The following SF3A2 variants were observed in gnomAD, a reference collection of about 807,000 sequenced individuals.
SF3A2 encodes splicing factor 3a subunit 2.
A neutral mutation model predicts 31.1 loss-of-function variants in SF3A2; 5 were observed. The observed-to-expected ratio is 0.16, with a 90% CI of 0.08 to 0.34. The LOEUF (loss-of-function observed/expected upper bound fraction) is 0.34, where lower values mean the gene tolerates loss of function less well. SF3A2 is among the 10% of genes least tolerant of loss of function. The probability of loss-of-function intolerance (pLI) is 1.00; values close to 1 mark genes in which losing one functional copy is unlikely to be tolerated. For missense variants in SF3A2, 577 were observed against 643.9 expected, an observed-to-expected ratio of 0.90 and a Z score of 1.13; for synonymous variants, 365 against 263.7, an observed-to-expected ratio of 1.38 and a Z score of -3.72.
At chr19:2,240,306 C>T (rs553340841) in intron 1 of SF3A2, among the ~76,000 whole-genome samples, 12 of 152,318 alleles carry the variant, frequency 7.9e-5, no homozygotes, top group African/African-American at 2.2e-4. Context: ...TGACCCTGGA[C>T]CCCCTTGCTC....
At chr19:2,238,322 A>G (rs1389010942) in intron 1 of SF3A2, among the ~76,000 whole-genome samples, 1 of 152,110 alleles carries the variant, frequency 6.6e-6, no homozygotes, top group Non-Finnish European at 1.5e-5. Context: ...GCACCCGGCT[A>G]ATTTTTGTAT....
Position 2,248,201 on chromosome 19 carries a change from C to CCACCCACCAGCCCCTGGGGTT in SF3A2, c.1065_1085dup (p.Ala361_Pro367dup). 8.5e-7 allele frequency: 1 copy of CCACCCACCAGCCCCTGGGGTT among 1,177,922 alleles called. No homozygotes were observed. Among genetic ancestry groups the CCACCCACCAGCCCCTGGGGTT allele is most frequent in the Non-Finnish European group, 1.1e-6 (1 of 878,510 alleles). The allele number at this position is 1,177,922 out of a possible 1,614,324, so 73.0% of individuals were successfully genotyped here. ...GGGTTCACCCACCAGCCCCCGGAGT[C>CCACCCACCAGCCCCTGGGGTT]CACCCACCAGCCCCTGGGGTTCACC... On this transcript the variant is annotated inframe_insertion, in exon 9 of 9. Transcript: ENST00000221494.
intron 1 of SF3A2, among the ~76,000 whole-genome samples, chr19:2,241,408 G>A (rs1043914965): frequency 1.3e-5 from 2 of 152,196 alleles, no homozygotes; most frequent in Non-Finnish European, 2.9e-5. Context: ...GAGGCTGCTT[G>A]CTGGGCTCCC....
In SF3A2 at chr19:2,248,099, TC is replaced by T; in HGVS notation, c.953del (p.Pro318GlnfsTer128). Reference sequence around the variant, plus strand: ...TCCACCCCCCAGCTCCTGGCGTCCATCCCCCAGCCCCTGGGGTCCACCCACC... The same window carrying T: ...TCCACCCCCCAGCTCCTGGCGTCCATCCCCAGCCCCTGGGGTCCACCCACC... Reference protein sequence around the residue: ...GVHPPAPGVHPPAPGVHPPTS... With the variant: ...GVHPPAPGVHXPAPGVHPPTS... On this transcript the variant is annotated frameshift_variant, in exon 9 of 9. Coordinates refer to ENST00000221494, the MANE Select transcript of SF3A2 (RefSeq NM_007165.5). LOFTEE classifies it low-confidence loss of function (END_TRUNC). 4.3e-6 allele frequency: 4 copies of T among 925,698 alleles called. No homozygotes were observed. The highest frequency in any genetic ancestry group is 2.0e-5 in the African/African-American group (1 of 50,732). The allele number at this position is 925,698 out of a possible 1,614,324, so 57.3% of individuals were successfully genotyped here.
chr19:2,240,514 C>T lies in SF3A2; in HGVS notation c.-37-2868C>T, dbSNP rs559589336. ...TTGGGTTCGGATGGTTTCTGGTTTT[C>T]GGATCAGAGCTTTACTTGGTGAGTG... On this transcript the variant is annotated intron_variant, in intron 1 of 8. Coordinates refer to ENST00000221494, the MANE Select transcript of SF3A2 (RefSeq NM_007165.5). Among the ~76,000 whole-genome samples, 86 of 152,264 alleles carry T rather than the reference C, an allele frequency of 5.6e-4. 2 individuals carry two copies. The South Asian group carries it at 0.016, about 28-fold the overall frequency.
intron 1 of SF3A2, among the ~76,000 whole-genome samples, chr19:2,239,672 G>A (rs905729579): frequency 7.2e-5 from 11 of 152,016 alleles, no homozygotes; most frequent in African/African-American, 2.7e-4. Context: ...TTATTTCTGT[G>A]ATAATATTTT....
intron 1 of SF3A2, among the ~76,000 whole-genome samples, chr19:2,240,769 G>A (rs546915419): frequency 1.3e-5 from 2 of 152,334 alleles, no homozygotes; most frequent in East Asian, 1.9e-4. Context: ...TCATTAGAAC[G>A]TTCTGGAAAT....
rs2024935574 is a variant in SF3A2, at chr19:2,246,649, C to T, written c.356-104C>T. On this transcript the variant is annotated intron_variant, in intron 5 of 8. Coordinates refer to ENST00000221494, the MANE Select transcript of SF3A2 (RefSeq NM_007165.5). This position sits in a 1 kb window ranked among gnomAD's most constrained non-coding sequence, Gnocchi z 5.5. ...ATGGTTGCCAGAGCTGCAGGGCCTC[C>T]CCCGGGGTCCCGCTCTCGTTCAGTG... 28 of 1,351,914 alleles carry T rather than the reference C, an allele frequency of 2.1e-5. No homozygotes were observed. In the South Asian group the frequency reaches 3.1e-4, roughly 15 times the overall value. The allele number at this position is 1,351,914 out of a possible 1,614,324, so 83.7% of individuals were successfully genotyped here.
Position 2,248,080 on chromosome 19 carries a change from C to A in SF3A2, c.929C>A (p.Pro310His). 1.1e-6 allele frequency: 1 copy of A among 950,840 alleles called. No individual in the cohort carries two copies. The highest frequency in any genetic ancestry group is 1.6e-6 in the Non-Finnish European group (1 of 612,534). 58.9% of individuals were successfully genotyped at this position (950,840 alleles called of 1,614,324 possible). ...CATCCCCCAGCTCCTGGCGTCCACC[C>A]CCCAGCTCCTGGCGTCCATCCCCCA... The part of the protein sequence containing the change: ...GVHPPAPGVH[P>H]PAPGVHPPAP... Residue 310 changes from proline (P) to histidine (H), a missense_variant, in exon 9 of 9, where the codon CCC becomes CAC. Physicochemically the swap from Pro to His is moderately conservative, Grantham distance 77. Around this residue, in one of 6 missense-constraint regions of SF3A2, gnomAD observed 462 missense variants for 339.1 expected, o/e 1.36. Transcript: ENST00000221494.
At chr19:2,241,192 G>A (rs533646257) in intron 1 of SF3A2, among the ~76,000 whole-genome samples, 66 of 152,268 alleles carry the variant, frequency 4.3e-4, no homozygotes, top group African/African-American at 1.5e-3. Flanking sequence ...AGAGGGGAGC[G>A]CTTGATGACG....
chr19:2,243,892 G>A (rs1410864441), intron 2 of SF3A2, among the ~76,000 whole-genome samples: 2 of 152,218 alleles, frequency 1.3e-5, no homozygotes, highest in Non-Finnish European at 2.9e-5. Context: ...GGTGAGCCGA[G>A]TCCCCTCAGC....
At chr19:2,237,278 A>G (rs1318261711) in intron 1 of SF3A2, 1 of 151,586 alleles carries the variant, frequency 6.6e-6, no homozygotes, top group African/African-American at 2.4e-5. Context: ...AAAATTAGCC[A>G]GGAGTGGTGG....
At position 2,245,695 on chromosome 19, in the gene SF3A2, C is replaced by T. The variant is rs1360035428; in HGVS notation, c.355+140C>T. On this transcript the variant is annotated intron_variant, in intron 5 of 8. Coordinates refer to ENST00000221494, the MANE Select transcript of SF3A2 (RefSeq NM_007165.5). The surrounding 1 kb of genome is among the most constrained non-coding windows in gnomAD (Gnocchi z 4.2). ...CCGGCCTTGGTGGCCGTCCCTCACC[C>T]ACCTGCAGCCTCTGGCGTTGTGTCT... The T allele has an allele frequency of 4.5e-6, 3 of 666,450 alleles. No homozygotes were observed. In the African/African-American group the frequency reaches 5.3e-5, roughly 12 times the overall value. 41.3% of individuals were successfully genotyped at this position (666,450 alleles called of 1,614,324 possible).
At position 2,245,545 on chromosome 19, in the gene SF3A2, G is replaced by A. The variant is rs200806731; in HGVS notation, c.345G>A (p.Pro115=). The A allele has an allele frequency of 6.5e-5, 101 of 1,550,292 alleles. No homozygotes were observed. The highest frequency in any genetic ancestry group is 4.4e-4 in the East Asian group (18 of 40,918). The change falls in exon 5 of 9, where the codon CCG becomes CCA. Residue 115 remains proline (P), a synonymous_variant. Transcript: ENST00000221494. This position sits in a 1 kb window ranked among gnomAD's most constrained non-coding sequence, Gnocchi z 4.2. ...AGAAGTTTGTGAAGATCGGCCGCCC[G>A]GGCTACAAAGGTGAGTCTGCCCGCA... ...EVKKFVKIGR[P]GYKVTKQRDS... is the part of the protein sequence containing the mutation.
intron 7 of SF3A2, chr19:2,247,257 CA>C (rs1477575887): frequency 1.8e-5 from 10 of 544,788 alleles, no homozygotes; most frequent in Non-Finnish European, 2.9e-5. Context: ...GGCTGAGCGC[CA>C]GGCCTGTGAG....
At position 2,244,484 on chromosome 19, in the gene SF3A2, G is replaced by A. The variant is rs1599652874; in HGVS notation, c.127-60G>A. 2.9e-6 allele frequency: 4 copies of A among 1,363,124 alleles called. No homozygotes were observed. The East Asian group carries it at 9.5e-5, about 32-fold the overall frequency. 84.4% of individuals were successfully genotyped at this position (1,363,124 alleles called of 1,614,324 possible). ...ACAGAAAGGGGATCCCGCCTCTGAG[G>A]GCCTTGACGGCAGCAGGCCGCGATC... On this transcript the variant is annotated intron_variant, in intron 2 of 8. Transcript: ENST00000221494.
chr19:2,246,825 G>C lies in SF3A2; in HGVS notation c.405+23G>C, dbSNP rs199563944. On this transcript the variant is annotated intron_variant, in intron 6 of 8. Transcript: ENST00000221494. The surrounding 1 kb of genome is among the most constrained non-coding windows in gnomAD (Gnocchi z 5.5). The stretch of plus-strand genomic sequence containing the variant: ...CAGGTGAGATCAGGGACTTGGGCGT[G>C]GGGGGCGGCCAAAGGCACCCAAGAG... 2.5e-6 allele frequency: 4 copies of C among 1,613,500 alleles called. No homozygotes were observed. The highest frequency in any genetic ancestry group is 1.1e-5 in the South Asian group (1 of 91,092).
intron 1 of SF3A2, among the ~76,000 whole-genome samples, chr19:2,239,619 G>T (rs1257493138): frequency 6.6e-6 from 1 of 151,990 alleles, no homozygotes; most frequent in Non-Finnish European, 1.5e-5. Context: ...CTTTAGTCCT[G>T]GGTTTTGTTT....
At chr19:2,236,995 CGCG>C (rs1263126768) in intron 1 of SF3A2, 94 bp downstream of exon 1, 1 of 152,018 alleles carries the variant, frequency 6.6e-6, no homozygotes, top group Non-Finnish European at 1.5e-5. Flanking sequence ...TGCGACAGGC[CGCG>C]GGCCGAGGGT....
Sources: allele counts gnomAD v4.1 joint callset (sites outside exome capture counted in the v4.1 genomes callset), GRCh38; gene constraint gnomAD v4.1.1; regional missense constraint gnomAD v4.1.1; non-coding constraint Gnocchi (gnomAD v3.1); transcripts MANE v1.5; gene names NCBI Gene and HGNC (gene_info 2026-07-23, HGNC 2026-07-21).